C8orf34: variants seen among roughly 807,000 people sequenced by gnomAD.
C8orf34 encodes the protein uncharacterized protein C8orf34.
C8orf34 carries 65 observed loss-of-function variants against 68.3 expected under a neutral mutation model. The ratio of observed to expected loss-of-function variants is 0.95; its 90% CI spans 0.78 to 1.17. The LOEUF (loss-of-function observed/expected upper bound fraction) is 1.17. Among genes scored for constraint, C8orf34 ranks in the 50% most tolerant of loss-of-function variants. C8orf34 has a pLI of 0.00. For synonymous variants in C8orf34, 244 were observed against 241.2 expected (o/e 1.01, Z -0.11); for missense variants, 664 against 655.4 (o/e 1.01, Z -0.14).
rs563721663 is a variant in C8orf34 at position 68,621,269 on chromosome 8, A to G, written c.1106-19107A>G. On this transcript the variant is annotated intron_variant, in intron 7 of 13. Coordinates refer to ENST00000518698, the MANE Select transcript of C8orf34 (RefSeq NM_052958.4). The stretch of plus-strand genomic sequence containing the variant: ...GTCTTTGTGTGTGTGTGTGTCTTCT[A>G]TGAAAAGCTGCTACAAGCTGACTCC... Among the ~76,000 whole-genome samples, 175 of 152,210 alleles carry G rather than the reference A, an allele frequency of 1.1e-3. 2 individuals carry two copies. The highest frequency in any genetic ancestry group is 4.1e-3 in the African/African-American group (170 of 41,538).
At chr8:68,405,736 G>A (rs1436783918) in intron 1 of C8orf34, among the ~76,000 whole-genome samples, 2 of 152,010 alleles carry the variant, frequency 1.3e-5, no homozygotes, top group African/African-American at 4.8e-5. Context: ...TAACTAAGAA[G>A]AAAATACACA....
intron 3 of C8orf34, among the ~76,000 whole-genome samples, chr8:68,461,182 A>C (rs1811804356): frequency 6.6e-6 from 1 of 152,256 alleles, no homozygotes; most frequent in Non-Finnish European, 1.5e-5. Flanking sequence ...ACTGGAAGAA[A>C]GCGTATCAGT....
chr8:68,344,148 T>TA (rs1314104518), intron 1 of C8orf34, among the ~76,000 whole-genome samples: 1 of 151,988 alleles, frequency 6.6e-6, no homozygotes, highest in African/African-American at 2.4e-5. Context: ...TTTACAGTAG[T>TA]AAAAAAACTA....
At chr8:68,410,608 G>A (rs754514627) in intron 1 of C8orf34, among the ~76,000 whole-genome samples, 1 of 152,134 alleles carries the variant, frequency 6.6e-6, no homozygotes. Context: ...GAAAGTCTAA[G>A]TGCCAAAGTA....
At chr8:68,485,448 T>A (rs993271338) in intron 4 of C8orf34, among the ~76,000 whole-genome samples, 9 of 151,990 alleles carry the variant, frequency 5.9e-5, no homozygotes, top group Non-Finnish European at 1.2e-4. Context: ...GTGCAGTGAC[T>A]CACCGCTATA....
intron 10 of C8orf34, among the ~76,000 whole-genome samples, chr8:68,742,592 A>C (rs1822335244): frequency 6.6e-6 from 1 of 152,112 alleles, no homozygotes; most frequent in Non-Finnish European, 1.5e-5. Context: ...TATTTTTAAC[A>C]CTTCTCTTTC....
chr8:68,605,693 A>G (rs1391358801), intron 7 of C8orf34, among the ~76,000 whole-genome samples: 1 of 152,280 alleles, frequency 6.6e-6, no homozygotes, highest in Non-Finnish European at 1.5e-5. Context: ...AGAATGTGAA[A>G]GAATCAGTGT....
chr8:68,725,152 C>A (rs1481226565), intron 10 of C8orf34, among the ~76,000 whole-genome samples: 1 of 152,268 alleles, frequency 6.6e-6, no homozygotes, highest in East Asian at 1.9e-4. Flanking sequence ...CAGGAATGAG[C>A]TTCCTTTATC....
intron 1 of C8orf34, among the ~76,000 whole-genome samples, chr8:68,376,990 C>A (rs1304590489): frequency 1.3e-5 from 2 of 152,108 alleles, no homozygotes; most frequent in Non-Finnish European, 2.9e-5. Flanking sequence ...GCAACGGATG[C>A]AGGAAATACA....
intron 9 of C8orf34, among the ~76,000 whole-genome samples, chr8:68,712,497 G>T (rs1311340093): frequency 6.6e-6 from 1 of 152,032 alleles, no homozygotes; most frequent in African/African-American, 2.4e-5. Context: ...GGTAGAAAAA[G>T]GTATTCCATG....
At chr8:68,656,546 C>A (rs1361655850) in intron 8 of C8orf34, among the ~76,000 whole-genome samples, 1 of 152,194 alleles carries the variant, frequency 6.6e-6, no homozygotes, top group Non-Finnish European at 1.5e-5. Context: ...TATTCATAAT[C>A]TTCAATTTTC....
chr8:68,370,730 C>G (rs1164763807), intron 1 of C8orf34, among the ~76,000 whole-genome samples: 1 of 152,164 alleles, frequency 6.6e-6, no homozygotes, highest in African/African-American at 2.4e-5. Context: ...ACACAGCAAA[C>G]TGTTAGTACC....
At chr8:68,817,136 C>T (rs149756408) in intron 13 of C8orf34, among the ~76,000 whole-genome samples, 2 of 152,202 alleles carry the variant, frequency 1.3e-5, no homozygotes, top group African/African-American at 4.8e-5. Flanking sequence ...TGATACAGCA[C>T]CTATCATAGG....
chr8:68,609,147 C>G (rs1459409672), intron 7 of C8orf34, among the ~76,000 whole-genome samples: 8 of 151,342 alleles, frequency 5.3e-5, no homozygotes, highest in Admixed American at 5.3e-4. Context: ...GAACTCCAGC[C>G]TGGATGACAG....
intron 8 of C8orf34, among the ~76,000 whole-genome samples, chr8:68,678,502 T>C (rs1820262353): frequency 6.6e-6 from 1 of 152,164 alleles, no homozygotes; most frequent in Admixed American, 6.6e-5. Context: ...TCATTTCAAT[T>C]GATGATAAAG....
chr8:68,333,915 A>G lies in C8orf34; in HGVS notation c.327+2576A>G, dbSNP rs1014947952. Among the ~76,000 whole-genome samples the G allele has an allele frequency of 5.3e-5, 8 of 152,342 alleles. No homozygotes were observed. In the South Asian group the frequency reaches 1.2e-3, roughly 24 times the overall value. On this transcript the variant is annotated intron_variant, in intron 1 of 13. Transcript: ENST00000518698. ...TGGAAAATATGCGGTATCTGATAAT[A>G]TGTCCCCCTTGTGGATAGTTTAAGT...
intron 3 of C8orf34, among the ~76,000 whole-genome samples, chr8:68,459,700 C>A (rs1348652285): frequency 1.3e-5 from 2 of 152,174 alleles, no homozygotes; most frequent in African/African-American, 2.4e-5. Flanking sequence ...CAAAAGATAC[C>A]TGCATTCACA....
chr8:68,693,800 AGGGTCCTTG>A (rs1353350759), intron 8 of C8orf34, among the ~76,000 whole-genome samples: 1 of 152,108 alleles, frequency 6.6e-6, no homozygotes, highest in African/African-American at 2.4e-5. Context: ...TTCCTAGCTT[AGGGTCCTTG>A]GACAGGTTGT....
At chr8:68,447,881 T>A (rs962223613) in intron 3 of C8orf34, 59 of 152,340 alleles carry the variant, frequency 3.9e-4, no homozygotes, top group Non-Finnish European at 1.9e-4. Flanking sequence ...CCCAACATTT[T>A]AAAAAATATA....
Sources: allele counts gnomAD v4.1 joint callset (sites outside exome capture counted in the v4.1 genomes callset), GRCh38; gene constraint gnomAD v4.1.1; transcripts MANE v1.5; gene names NCBI Gene and HGNC (gene_info 2026-07-23, HGNC 2026-07-21).